Variants in PDE1C observed in about 807,000 individuals in gnomAD.
PDE1C encodes phosphodiesterase 1C, also known as dual specificity calcium/calmodulin-dependent 3',5'-cyclic nucleotide phosphodiesterase 1C.
In PDE1C, 62 loss-of-function variants were observed where a neutral mutation model predicts 93.1. That is an observed-to-expected ratio of 0.67 (90% CI 0.54 to 0.82). The LOEUF (loss-of-function observed/expected upper bound fraction) is 0.82. PDE1C is among the 40% of genes least tolerant of loss of function. The pLI is 0.00. For missense variants in PDE1C, 742 were observed against 884.6 expected, an observed-to-expected ratio of 0.84 and a Z score of 2.04; for synonymous variants, 325 against 310.1, an observed-to-expected ratio of 1.05 and a Z score of -0.50.
intron 11 of PDE1C, among the ~76,000 whole-genome samples, chr7:31,833,964 C>G (rs1790753902): frequency 6.6e-6 from 1 of 152,158 alleles, no homozygotes; most frequent in Non-Finnish European, 1.5e-5. Flanking sequence ...TGGGCTGGGC[C>G]CAGGGTCCCC....
At chr7:31,772,654 T>G (rs990418915) in intron 17 of PDE1C, among the ~76,000 whole-genome samples, 1 of 152,160 alleles carries the variant, frequency 6.6e-6, no homozygotes. Context: ...TACTCAACCA[T>G]CTTGACCGGA....
chr7:32,268,661 T>C (rs2128884773), intron 1 of PDE1C, among the ~76,000 whole-genome samples: 1 of 152,282 alleles, frequency 6.6e-6, no homozygotes, highest in South Asian at 2.1e-4. Context: ...TTCATTAGGT[T>C]GTTTTTAAAA....
At chr7:31,997,704 G>C (rs1350347300) in intron 2 of PDE1C, among the ~76,000 whole-genome samples, 8 of 152,088 alleles carry the variant, frequency 5.3e-5, no homozygotes, top group Non-Finnish European at 7.4e-5. Context: ...TCAAGCAGTG[G>C]GATTACCATT....
At chr7:32,277,995 A>T (rs1268090504) in intron 1 of PDE1C, among the ~76,000 whole-genome samples, 1 of 152,142 alleles carries the variant, frequency 6.6e-6, no homozygotes, top group African/African-American at 2.4e-5. Context: ...GTGATGTCCT[A>T]ATGGAAACAG....
intron 3 of PDE1C, among the ~76,000 whole-genome samples, chr7:32,092,005 C>A (rs554462751): frequency 2.8e-4 from 42 of 152,114 alleles, no homozygotes; most frequent in Admixed American, 6.6e-4. Context: ...CAGATGACTC[C>A]AAGGTTTTTG....
the PDE1C span, among the ~76,000 whole-genome samples, chr7:31,685,047 C>G: frequency 6.6e-6 from 1 of 151,710 alleles, no homozygotes; most frequent in Admixed American, 6.6e-5. Flanking sequence ...CTATGGAATA[C>G]TATTCAGCAA....
chr7:32,259,583 T>G (rs79392590), intron 1 of PDE1C, among the ~76,000 whole-genome samples: 1,734 of 152,262 alleles, frequency 0.011, 12 homozygotes, highest in Non-Finnish European at 0.02. Flanking sequence ...AGTTCTGGCT[T>G]AAAATCTCAT....
chr7:31,652,683 G>A, the PDE1C span: 1 of 1,613,922 alleles, frequency 6.2e-7, no homozygotes, highest in Non-Finnish European at 8.5e-7. Context: ...TCCCTGTTCA[G>A]GTGGGACCCA....
At chr7:31,660,973 G>A in the PDE1C span, among the ~76,000 whole-genome samples, 1 of 151,894 alleles carries the variant, frequency 6.6e-6, no homozygotes, top group African/African-American at 2.4e-5. Context: ...AAAACACTTA[G>A]AAATAATGTT....
chr7:31,942,050 A>C (rs73686834), intron 2 of PDE1C, among the ~76,000 whole-genome samples: 6,383 of 152,276 alleles, frequency 0.042, 256 homozygotes, highest in African/African-American at 0.11. Context: ...ACCTACTCAC[A>C]TGAATATATG....
At chr7:31,671,006 C>T in the PDE1C span, among the ~76,000 whole-genome samples, 2 of 152,090 alleles carry the variant, frequency 1.3e-5, no homozygotes, top group African/African-American at 2.4e-5. Context: ...ATTACCTTTC[C>T]ACTCCATCCC....
chr7:31,658,304 T>G, the PDE1C span: 10 of 1,520,170 alleles, frequency 6.6e-6, no homozygotes, highest in Non-Finnish European at 8.8e-6. Context: ...GATCCCTTTT[T>G]TTTTTCTTCA....
At chr7:32,307,167 C>A (rs1372180766) in intron 1 of PDE1C, among the ~76,000 whole-genome samples, 1 of 152,098 alleles carries the variant, frequency 6.6e-6, no homozygotes, top group African/African-American at 2.4e-5. Flanking sequence ...GACCTAACAC[C>A]ACAATAAAGA....
At chr7:31,670,084 T>G in the PDE1C span, among the ~76,000 whole-genome samples, 3 of 152,216 alleles carry the variant, frequency 2.0e-5, no homozygotes, top group African/African-American at 7.2e-5. Flanking sequence ...CTTGAAAGTA[T>G]GAAGTGATTT....
chr7:32,176,372 CA>C (rs1802987627), intron 2 of PDE1C, among the ~76,000 whole-genome samples: 1 of 151,744 alleles, frequency 6.6e-6, no homozygotes, highest in Non-Finnish European at 1.5e-5. Flanking sequence ...TTTATTTTTG[CA>C]AAAGACAAAG....
chr7:31,628,768 T>C, the PDE1C span, among the ~76,000 whole-genome samples: 1 of 152,186 alleles, frequency 6.6e-6, no homozygotes, highest in Non-Finnish European at 1.5e-5. Flanking sequence ...AGCGTGATTC[T>C]TGATGGAAAC....
intron 16 of PDE1C, among the ~76,000 whole-genome samples, chr7:31,803,539 T>A (rs1786364546): frequency 6.6e-6 from 1 of 151,868 alleles, no homozygotes. Context: ...TATCTCCTAA[T>A]GCTATCCCTC....
chr7:31,713,415 T>TC, the PDE1C span, among the ~76,000 whole-genome samples: 1 of 152,146 alleles, frequency 6.6e-6, no homozygotes, highest in Non-Finnish European at 1.5e-5. Context: ...CAGGGTATAG[T>TC]CCCCCCTGGC....
At chr7:32,043,712 G>A (rs938196645) in intron 2 of PDE1C, among the ~76,000 whole-genome samples, 3 of 152,148 alleles carry the variant, frequency 2.0e-5, no homozygotes, top group Admixed American at 2.0e-4. Flanking sequence ...TCCACCCAAA[G>A]CTTGAGTTCC....
Sources: gnomAD v4.1 joint callset for allele counts (sites outside exome capture counted in the v4.1 genomes callset) on GRCh38, gnomAD v4.1.1 for gene constraint, MANE v1.5 for transcripts, NCBI Gene and HGNC (gene_info 2026-07-23, HGNC 2026-07-21) for gene names.